Variants in RABGAP1 observed in about 807,000 individuals in gnomAD.
RABGAP1 encodes rab GTPase-activating protein 1.
RABGAP1 carries 23 observed loss-of-function variants against 137.6 expected under a neutral mutation model. The observed-to-expected ratio is 0.17, with a 90% CI of 0.12 to 0.24. RABGAP1 has a LOEUF of 0.24. Ranked by LOEUF, RABGAP1 falls within the 10% of genes least tolerant of loss-of-function variation. RABGAP1 has a pLI of 1.00. For missense variants in RABGAP1, 906 were observed against 1,275.8 expected (o/e 0.71, Z 4.42); for synonymous variants, 451 against 450.7 (o/e 1.00, Z -0.01).
At chr9:122,931,775 G>T in the RABGAP1 span, among the ~76,000 whole-genome samples, 1 of 152,224 alleles carries the variant, frequency 6.6e-6, no homozygotes, top group Non-Finnish European at 1.5e-5. Flanking sequence ...GCCTCGCAGG[G>T]ACCCGCTGCT....
Position 123,014,051 on chromosome 9 carries a change from A to C in RABGAP1, c.1550-1492A>C, listed in dbSNP as rs79202644. Among the ~76,000 whole-genome samples the C allele has an allele frequency of 1.1e-3, 171 of 152,318 alleles. 3 individuals are homozygous for C. In the East Asian group the frequency reaches 0.031, roughly 28 times the overall value. Reference sequence around the variant, plus strand: ...TCTTAAAAATATGCATTCTTTTTAAAACTGAGAAAGTCAGTTTCTGGACAT... The same window carrying C: ...TCTTAAAAATATGCATTCTTTTTAACACTGAGAAAGTCAGTTTCTGGACAT... On this transcript the variant is annotated intron_variant, in intron 11 of 25. Transcript: ENST00000373647.
rs115278987 is a variant in RABGAP1, at chr9:123,021,560, A to G, written c.1794+1101A>G. On this transcript the variant is annotated intron_variant, in intron 13 of 25. Transcript: ENST00000373647. ...GGTCTTGAATTCCTGGCCTCAAGCA[A>G]TCCAACTGTCTTGGCCTCCCAAAGT... 9.0e-3 allele frequency among the ~76,000 whole-genome samples: 1,371 copies of G among 152,260 alleles called. 23 individuals carry two copies. The highest frequency in any genetic ancestry group is 0.032 in the African/African-American group (1,309 of 41,544).
chr9:123,010,474 T>G lies in RABGAP1; in HGVS notation c.1495T>G (p.Ser499Ala). The G allele has an allele frequency of 1.2e-6, 2 of 1,613,874 alleles. No homozygotes were observed. The highest frequency in any genetic ancestry group is 1.7e-6 in the Non-Finnish European group (2 of 1,179,830). The change falls in exon 11 of 26, where the codon TCT (serine) becomes GCT (alanine). Residue 499 changes from serine to alanine, a missense_variant. Transcript: ENST00000373647. ...CAGTCCTTCAGTTCGCCTGCCACAGTCTGGATCGCAAAGTTCAGTGATACC... is the reference window on the plus strand; with the variant it reads ...CAGTCCTTCAGTTCGCCTGCCACAGGCTGGATCGCAAAGTTCAGTGATACC... ...TASPSVRLPQ[S>A]GSQSSVIPSP...
Position 122,974,415 on chromosome 9 carries a change from C to CTTTTTTTT in RABGAP1, c.151-10051_151-10044dup, listed in dbSNP as rs11331973. On this transcript the variant is annotated intron_variant, in intron 2 of 25. Coordinates refer to ENST00000373647, the MANE Select transcript of RABGAP1 (RefSeq NM_012197.4). Reference sequence around the variant, plus strand: ...CCTCCCAAGATGGAAATGGCTTTGTCTTTTTTTTTTTTTTTTTTTTTTTTT... The same window carrying CTTTTTTTT: ...CCTCCCAAGATGGAAATGGCTTTGTCTTTTTTTTTTTTTTTTTTTTTTTTTTTTTTTTT... 1.5e-3 allele frequency among the ~76,000 whole-genome samples: 87 copies of CTTTTTTTT among 58,210 alleles called. 1 individual carries two copies. The highest frequency in any genetic ancestry group is 8.4e-3 in the East Asian group (14 of 1,668). The allele number at this position is 58,210 out of a possible 152,430, so 38.2% of individuals were successfully genotyped here.
rs1285877639 is a variant in RABGAP1 at position 123,074,273 on chromosome 9, T to C, written c.2110-12T>C. 6.2e-7 allele frequency: 1 copy of C among 1,613,544 alleles called. No homozygotes were observed. Among genetic ancestry groups the C allele is most frequent in the Non-Finnish European group, 8.5e-7 (1 of 1,179,688 alleles). On this transcript the variant is annotated splice_polypyrimidine_tract_variant and intron_variant, in intron 16 of 25. Coordinates refer to ENST00000373647, the MANE Select transcript of RABGAP1 (RefSeq NM_012197.4). ...GCATATGTGCCCAGAACTAATTGGT[T>C]TGCTATTTCAGGAATACATTCCTGA...
intron 10 of RABGAP1, among the ~76,000 whole-genome samples, chr9:123,001,369 CA>C (rs1468746063): frequency 6.6e-6 from 1 of 152,148 alleles, no homozygotes; most frequent in Non-Finnish European, 1.5e-5. Flanking sequence ...TTTTCTGTTA[CA>C]TAAAATGAAA....
At chr9:123,008,327 A>C (rs1023723287) in intron 10 of RABGAP1, among the ~76,000 whole-genome samples, 1 of 152,006 alleles carries the variant, frequency 6.6e-6, no homozygotes, top group Non-Finnish European at 1.5e-5. Flanking sequence ...TGGGAGGCCA[A>C]GGCAGGTAAA....
chr9:122,941,254 G>T (rs1165298075), intron 1 of RABGAP1, among the ~76,000 whole-genome samples, 161 bp downstream of exon 1: 5 of 152,202 alleles, frequency 3.3e-5, no homozygotes, highest in African/African-American at 1.2e-4. Context: ...GTTCTGAGGG[G>T]AGCCGTGATT....
At chr9:122,997,232 G>A (rs760892564) in intron 8 of RABGAP1, 27 bp from the exon 9 acceptor site, 36 of 1,541,060 alleles carry the variant, frequency 2.3e-5, no homozygotes, top group South Asian at 3.5e-5. Context: ...TGTGGCATTC[G>A]GGTTTATTTT....
rs187035206 is a variant in RABGAP1 at position 123,024,238 on chromosome 9, A to G, written c.1794+3779A>G. On this transcript the variant is annotated intron_variant, in intron 13 of 25. Coordinates refer to ENST00000373647, the MANE Select transcript of RABGAP1 (RefSeq NM_012197.4). ...GATCCAGAAGGGAAATAATAGAACA[A>G]TAGTAATAGCTACCTTTTTTAGCAC... Among the ~76,000 whole-genome samples, 449 of 152,348 alleles carry G rather than the reference A, an allele frequency of 2.9e-3. 2 individuals are homozygous for G. Among genetic ancestry groups the G allele is most frequent in the Non-Finnish European group, 4.5e-3 (306 of 68,024 alleles).
At chr9:123,031,502 A>G (rs901043276) in intron 13 of RABGAP1, among the ~76,000 whole-genome samples, 2 of 152,238 alleles carry the variant, frequency 1.3e-5, no homozygotes, top group Non-Finnish European at 2.9e-5. Flanking sequence ...ATATTTAACC[A>G]GACAGAAAAG....
At chr9:123,097,979 C>A in intron 22 of RABGAP1, 134 bp downstream of exon 22, 1 of 683,222 alleles carries the variant, frequency 1.5e-6, no homozygotes, top group Non-Finnish European at 2.4e-6. Flanking sequence ...TTTTTTTTCC[C>A]CCTACTGTGT....
At chr9:122,954,857 A>G (rs1834425812) in intron 1 of RABGAP1, among the ~76,000 whole-genome samples, 1 of 152,216 alleles carries the variant, frequency 6.6e-6, no homozygotes, top group African/African-American at 2.4e-5. Flanking sequence ...ACCACATTAC[A>G]TTGAACAAGT....
At chr9:123,080,342 C>T (rs937552849) in intron 19 of RABGAP1, among the ~76,000 whole-genome samples, 1 of 152,162 alleles carries the variant, frequency 6.6e-6, no homozygotes, top group Non-Finnish European at 1.5e-5. Flanking sequence ...CCCCTATTTG[C>T]ACATGATTTC....
chr9:123,055,391 TTTTA>T (rs577160062), intron 13 of RABGAP1, among the ~76,000 whole-genome samples: 29 of 151,732 alleles, frequency 1.9e-4, no homozygotes, highest in African/African-American at 5.6e-4. Flanking sequence ...TTTGTTGAGG[TTTTA>T]TTTATTTATT....
At chr9:123,030,659 A>G (rs538596495) in intron 13 of RABGAP1, among the ~76,000 whole-genome samples, 15 of 152,304 alleles carry the variant, frequency 9.8e-5, no homozygotes, top group African/African-American at 3.4e-4. Flanking sequence ...CATCATCTCT[A>G]ACATTTATCA....
intron 10 of RABGAP1, among the ~76,000 whole-genome samples, chr9:123,007,474 C>T (rs1162467951): frequency 6.7e-6 from 1 of 149,434 alleles, no homozygotes; most frequent in Non-Finnish European, 1.5e-5. Flanking sequence ...GCCTCCCGGG[C>T]CCAAGTGATC....
chr9:123,003,466 C>T (rs1368868050), intron 10 of RABGAP1, among the ~76,000 whole-genome samples: 2 of 152,106 alleles, frequency 1.3e-5, no homozygotes, highest in Admixed American at 6.5e-5. Context: ...AAATTTTAAC[C>T]ATTTTCCGTT....
intron 1 of RABGAP1, chr9:122,945,304 T>A (rs1247157488): frequency 1.3e-5 from 2 of 152,088 alleles, no homozygotes; most frequent in Non-Finnish European, 1.5e-5. Context: ...ACGTTGACCC[T>A]AACAGCCTTG....
Sources: allele counts gnomAD v4.1 joint callset (sites outside exome capture counted in the v4.1 genomes callset), GRCh38; gene constraint gnomAD v4.1.1; transcripts MANE v1.5; gene names NCBI Gene and HGNC (gene_info 2026-07-23, HGNC 2026-07-21).